Variants in DNAH11 observed in about 807,000 individuals in gnomAD.
DNAH11 encodes the protein dynein axonemal heavy chain 11, also known as axonemal beta dynein heavy chain 11.
In DNAH11, 442 loss-of-function variants were observed where a neutral mutation model predicts 526.0. The observed-to-expected ratio is 0.84, with a 90% CI of 0.78 to 0.91. The LOEUF (loss-of-function observed/expected upper bound fraction) is 0.91. Among genes scored for constraint, DNAH11 ranks in the 40% least tolerant of loss-of-function variants. DNAH11 has a pLI of 0.00. For synonymous variants in DNAH11, 2,461 were observed against 1,935.9 expected (o/e 1.27, Z -7.12); for missense variants, 6,989 against 5,448.7 (o/e 1.28, Z -8.90).
At chr7:21,739,705 T>C (rs2128490338) in intron 48 of DNAH11, 32 bp downstream of exon 48, 1 of 1,527,512 alleles carries the variant, frequency 6.5e-7, no homozygotes, top group East Asian at 2.2e-5. Context: ...TCAAAAACTG[T>C]AGGTCTGTAT....
chr7:21,784,984 CCCACCATTT>C (rs1788111002), intron 58 of DNAH11, among the ~76,000 whole-genome samples: 1 of 152,152 alleles, frequency 6.6e-6, no homozygotes, highest in Non-Finnish European at 1.5e-5. Flanking sequence ...AGGTTTGGTC[CCCACCATTT>C]CTTCGAGCTT....
At position 21,892,560 on chromosome 7, in the gene DNAH11, A is replaced by G; in HGVS notation, c.12643A>G (p.Ile4215Val). Residue 4215 changes from isoleucine (I) to valine (V), a missense_variant, in exon 77 of 82, where the codon ATA becomes GTA. Physicochemically the swap from Ile to Val is conservative, Grantham distance 29. Coordinates refer to ENST00000409508, the MANE Select transcript of DNAH11 (RefSeq NM_001277115.2). ...ALYGLHPNAE[I>V]EFLTVTSNTL... ...GTATGGCCTCCACCCAAATGCTGAAATAGAATTCCTGACAGTGACATCCAA... is the reference window on the plus strand; with the variant it reads ...GTATGGCCTCCACCCAAATGCTGAAGTAGAATTCCTGACAGTGACATCCAA... 1 of 1,614,018 alleles carries G rather than the reference A, an allele frequency of 6.2e-7. No homozygotes were observed. The highest frequency in any genetic ancestry group is 8.5e-7 in the Non-Finnish European group (1 of 1,179,896).
intron 20 of DNAH11, among the ~76,000 whole-genome samples, chr7:21,612,084 T>G (rs1430025875): frequency 6.6e-6 from 1 of 152,134 alleles, no homozygotes; most frequent in Admixed American, 6.5e-5. Flanking sequence ...TTCAAAAATA[T>G]AGAGCACTAT....
chr7:21,572,352 T>A (rs73066485), intron 8 of DNAH11, among the ~76,000 whole-genome samples: 2 of 152,250 alleles, frequency 1.3e-5, no homozygotes, highest in South Asian at 2.1e-4. Context: ...GAACACTTGC[T>A]TTCACCCCAG....
chr7:21,783,914 C>A (rs1227095566), intron 57 of DNAH11, among the ~76,000 whole-genome samples: 1 of 152,162 alleles, frequency 6.6e-6, no homozygotes, highest in Non-Finnish European at 1.5e-5. Context: ...GGCATGCGAT[C>A]CATGACCACA....
Position 21,866,530 on chromosome 7 carries a change from C to T in DNAH11, c.11557C>T (p.Gln3853Ter). Residue 3853 changes from glutamine to a stop codon, truncating the protein, a stop_gained, in exon 71 of 82, where the codon CAG becomes TAG. Coordinates refer to ENST00000409508, the MANE Select transcript of DNAH11 (RefSeq NM_001277115.2). LOFTEE classifies it high-confidence loss of function. ...CCGAGATGTGGAAGGATCTGCCAAG[C>T]AGTGGAGGAAGTGGGTAGAATCCGA... The part of the protein sequence containing the change: ...IDRDVEGSAK[Q>*]WRKWVESECP... The T allele has an allele frequency of 1.2e-6, 2 of 1,613,632 alleles. No homozygotes were observed. Among genetic ancestry groups the T allele is most frequent in the Non-Finnish European group, 1.7e-6 (2 of 1,179,772 alleles).
chr7:21,858,081 G>A (rs1245816700), intron 68 of DNAH11, among the ~76,000 whole-genome samples: 1 of 152,114 alleles, frequency 6.6e-6, no homozygotes, highest in African/African-American at 2.4e-5. Flanking sequence ...TCAGTAATAA[G>A]AGTTGAACAG....
rs1394327426 is a variant in DNAH11, at chr7:21,899,417, C to T, written c.13131C>T (p.Ser4377=). ...CCCTTCCGGCTGTCGTGTGGCTCTC[C>T]GGCTTCTTCAACCCTCAGTCCTTCT... The part of the protein sequence containing the change: ...DLTLPAVVWL[S]GFFNPQSFLT... Residue 4377 remains serine, a synonymous_variant, in exon 80 of 82, where the codon TCC becomes TCT. Coordinates refer to ENST00000409508, the MANE Select transcript of DNAH11 (RefSeq NM_001277115.2). 1.4e-5 allele frequency: 23 copies of T among 1,613,830 alleles called. No individual in the cohort carries two copies. The highest frequency in any genetic ancestry group is 4.0e-5 in the African/African-American group (3 of 75,034).
At position 21,822,957 on chromosome 7, in the gene DNAH11, C is replaced by CTTTTTTT. The variant is rs67284255; in HGVS notation, c.10691+4639_10691+4645dup. On this transcript the variant is annotated intron_variant, in intron 65 of 81. Coordinates refer to ENST00000409508, the MANE Select transcript of DNAH11 (RefSeq NM_001277115.2). ...ACCCATTTTTAAATCAGATTATTTGCTTTTTTTTTTTTTTTTTTTTTTTTT... is the reference window on the plus strand; with the variant it reads ...ACCCATTTTTAAATCAGATTATTTGCTTTTTTTTTTTTTTTTTTTTTTTTTTTTTTTT... Among the ~76,000 whole-genome samples, 73 of 60,560 alleles carry CTTTTTTT rather than the reference C, an allele frequency of 1.2e-3. 1 individual carries two copies. The highest frequency in any genetic ancestry group is 2.1e-3 in the East Asian group (4 of 1,906). The allele number at this position is 60,560 out of a possible 152,430, so 39.7% of individuals were successfully genotyped here. A position where few individuals can be genotyped will look rare whatever the true frequency, so the allele number is the denominator to read the frequency against.
intron 29 of DNAH11, 51 bp downstream of exon 29, chr7:21,656,032 C>G: frequency 6.7e-7 from 1 of 1,492,782 alleles, no homozygotes; most frequent in Non-Finnish European, 8.9e-7. Context: ...TTTCAGCATG[C>G]TCTTAGAAGG....
rs1279866339 is a variant in DNAH11, at chr7:21,773,845, A to G, written c.9182A>G (p.Gln3061Arg). ...TVNEMSTRYY[Q>R]NERRHNYTTP... ...AATGAAATGAGTACCAGATATTACC[A>G]GAATGAGAGAAGACACAACTATACC... The change falls in exon 56 of 82, where the codon CAG (glutamine) becomes CGG (arginine). Residue 3061 changes from glutamine (Q) to arginine (R), a missense_variant. Transcript: ENST00000409508. 1 of 1,608,824 alleles carries G rather than the reference A, an allele frequency of 6.2e-7. No individual in the cohort carries two copies. The highest frequency in any genetic ancestry group is 8.5e-7 in the Non-Finnish European group (1 of 1,177,592).
intron 65 of DNAH11, among the ~76,000 whole-genome samples, chr7:21,834,427 T>TA (rs1583752222): frequency 6.6e-6 from 1 of 151,748 alleles, no homozygotes; most frequent in Non-Finnish European, 1.5e-5. Context: ...CTCAAGGATC[T>TA]AAAAAAGACA....
chr7:21,644,178 T>C (rs1233269151), intron 28 of DNAH11, among the ~76,000 whole-genome samples: 1 of 152,182 alleles, frequency 6.6e-6, no homozygotes, highest in Non-Finnish European at 1.5e-5. Flanking sequence ...AAAAAGGTGC[T>C]TGTGAGAAAT....
chr7:21,554,136 C>T (rs1351143012), intron 2 of DNAH11, among the ~76,000 whole-genome samples: 1 of 148,406 alleles, frequency 6.7e-6, no homozygotes. Context: ...ATTATTAGTT[C>T]CCTGAGGTTC....
chr7:21,694,950 G>T (rs1221596736), intron 35 of DNAH11, among the ~76,000 whole-genome samples: 1 of 152,198 alleles, frequency 6.6e-6, no homozygotes, highest in Non-Finnish European at 1.5e-5. Context: ...CTAATGACCA[G>T]TGATGATGAA....
chr7:21,877,139 G>GTGTC (rs1219928964), intron 74 of DNAH11, among the ~76,000 whole-genome samples: 2 of 152,150 alleles, frequency 1.3e-5, no homozygotes, highest in Non-Finnish European at 2.9e-5. Flanking sequence ...TGTTGCCTGG[G>GTGTC]TGTCCCTCAC....
intron 74 of DNAH11, among the ~76,000 whole-genome samples, chr7:21,877,705 C>A (rs966273018): frequency 6.6e-6 from 1 of 151,880 alleles, no homozygotes; most frequent in African/African-American, 2.4e-5. Context: ...GAAACCCCAT[C>A]TCTACTAAAA....
At chr7:21,760,376 G>A (rs1279937804) in intron 54 of DNAH11, among the ~76,000 whole-genome samples, 4 of 152,096 alleles carry the variant, frequency 2.6e-5, no homozygotes, top group Admixed American at 6.5e-5. Flanking sequence ...TTGGGGACCC[G>A]ACTTGCCCAT....
At chr7:21,796,564 G>T (rs1788722271) in intron 61 of DNAH11, among the ~76,000 whole-genome samples, 1 of 152,172 alleles carries the variant, frequency 6.6e-6, no homozygotes, top group South Asian at 2.1e-4. Flanking sequence ...TGGTTAGGAA[G>T]GTGAATGAGG....
Sources: gnomAD v4.1 joint callset for allele counts (sites outside exome capture counted in the v4.1 genomes callset) on GRCh38, gnomAD v4.1.1 for gene constraint, MANE v1.5 for transcripts, NCBI Gene and HGNC (gene_info 2026-07-23, HGNC 2026-07-21) for gene names.